The following MTARC1 variants were observed in gnomAD, a reference collection of about 807,000 sequenced individuals.
MTARC1 encodes mitochondrial amidoxime reducing component 1.
In MTARC1, 24 loss-of-function variants were observed where a neutral mutation model predicts 33.6. The ratio of observed to expected loss-of-function variants is 0.72; its 90% CI spans 0.52 to 1.01. The LOEUF (loss-of-function observed/expected upper bound fraction) is 1.01, where lower values mean the gene tolerates loss of function less well. Among genes scored for constraint, MTARC1 ranks in the 50% least tolerant of loss-of-function variants. The pLI, the probability that MTARC1 is intolerant of heterozygous loss-of-function variation, is 0.00. For missense variants in MTARC1, 417 were observed against 445.7 expected, an observed-to-expected ratio of 0.94 and a Z score of 0.58; for synonymous variants, 187 against 189.5, an observed-to-expected ratio of 0.99 and a Z score of 0.11.
At chr1:220,810,277 G>C (rs914334712) in intron 6 of MTARC1, among the ~76,000 whole-genome samples, 4 of 152,244 alleles carry the variant, frequency 2.6e-5, no homozygotes, top group Admixed American at 2.0e-4. Flanking sequence ...GTGTGCGCAC[G>C]AATTCATAGA....
chr1:220,789,843 T>C (rs1232736604), intron 1 of MTARC1, among the ~76,000 whole-genome samples: 1 of 152,224 alleles, frequency 6.6e-6, no homozygotes, highest in Non-Finnish European at 1.5e-5. Context: ...ATTCCAATTA[T>C]ATGAAATGTC....
At chr1:220,808,740 AAGAAATACAG>A (rs1277825114) in intron 6 of MTARC1, 1 of 447,034 alleles carries the variant, frequency 2.2e-6, no homozygotes, top group Non-Finnish European at 4.6e-6. Flanking sequence ...GTGGGAGGAA[AAGAAATACAG>A]AGGCATAGGG....
At chr1:220,803,657 C>A (rs1183834366) in intron 4 of MTARC1, among the ~76,000 whole-genome samples, 1 of 151,942 alleles carries the variant, frequency 6.6e-6, no homozygotes, top group Non-Finnish European at 1.5e-5. Context: ...GGAAGACTTT[C>A]CTGGGCTCAT....
Position 220,796,583 on chromosome 1 carries a change from A to G in MTARC1, c.450-60A>G, listed in dbSNP as rs971026384. On this transcript the variant is annotated intron_variant, in intron 2 of 6. Coordinates refer to ENST00000366910, the MANE Select transcript of MTARC1 (RefSeq NM_022746.4). ...GCAGCTTTTCTGATATAGCTGGCAC[A>G]TATTAGGGTGCATGGATTTTCAAAG... The G allele has an allele frequency of 4.0e-6, 6 of 1,499,792 alleles. No individual in the cohort carries two copies. In the Admixed American group the frequency reaches 1.5e-4, roughly 38 times the overall value. The allele number at this position is 1,499,792 out of a possible 1,614,324, so 92.9% of individuals were successfully genotyped here.
rs755174126 is a variant in MTARC1 at position 220,787,128 on chromosome 1, TG to T, written c.186del (p.Trp62Ter). ...LQQVGTVAQL[W>X]IYPVKSCKGV... ...GCAGGTGGGCACAGTGGCGCAGCTC[TG>T]GATCTACCCTGTGAAATCCTGCAAG... On this transcript the variant is annotated frameshift_variant, in exon 1 of 7. Transcript: ENST00000366910. LOFTEE classifies it high-confidence loss of function. 4.5e-6 allele frequency: 7 copies of T among 1,559,458 alleles called. No homozygotes were observed. In the Admixed American group the frequency reaches 5.7e-5, roughly 13 times the overall value.
intron 2 of MTARC1, chr1:220,793,206 G>GGAAATA: frequency 6.6e-6 from 1 of 152,128 alleles, no homozygotes; most frequent in East Asian, 1.9e-4. Flanking sequence ...CCTGAATGAG[G>GGAAATA]TAAGCTTTTA....
chr1:220,796,694 G>A lies in MTARC1; in HGVS notation c.501G>A (p.Gln167=). 1 of 1,612,866 alleles carries A rather than the reference G, an allele frequency of 6.2e-7. No individual in the cohort carries two copies. Among genetic ancestry groups the A allele is most frequent in the Non-Finnish European group, 8.5e-7 (1 of 1,179,560 alleles). The stretch of plus-strand genomic sequence containing the variant: ...GGGACTGTGGCGAGGCCACCGCCCA[G>A]TGGATAACCAGCTTCCTGAAGTCAC... ...EGRDCGEATA[Q]WITSFLKSQP... is the part of the protein sequence containing the mutation. The change falls in exon 3 of 7, where the codon CAG becomes CAA. Residue 167 remains glutamine, a synonymous_variant. Transcript: ENST00000366910.
chr1:220,813,750 T>TCTG lies in MTARC1; in HGVS notation c.*333_*334insTGC, dbSNP rs1673211256. 1.3e-5 allele frequency: 3 copies of TCTG among 233,560 alleles called. No individual in the cohort carries two copies. The highest frequency in any genetic ancestry group is 2.2e-5 in the African/African-American group (1 of 44,910). The allele number at this position is 233,560 out of a possible 1,614,324, so 14.5% of individuals were successfully genotyped here. A position where few individuals can be genotyped will look rare whatever the true frequency, so the allele number is the denominator to read the frequency against. On this transcript the variant is annotated 3_prime_UTR_variant, in exon 7 of 7. Transcript: ENST00000366910. ...ACCAAGAGCGCAGACTTGCATCCTG[T>TCTG]CACTACCACTCGTTAGAGAAAGAGA... is the stretch of plus-strand genomic sequence containing the variant.
intron 6 of MTARC1, among the ~76,000 whole-genome samples, chr1:220,807,851 G>A (rs879358568): frequency 6.6e-6 from 1 of 152,048 alleles, no homozygotes; most frequent in Non-Finnish European, 1.5e-5. Flanking sequence ...TGGCCACAGA[G>A]GAGCTACTAG....
At position 220,805,137 on chromosome 1, in the gene MTARC1, G is replaced by C. The variant is rs764537118; in HGVS notation, c.815+24G>C. On this transcript the variant is annotated intron_variant, in intron 5 of 6. Coordinates refer to ENST00000366910, the MANE Select transcript of MTARC1 (RefSeq NM_022746.4). Reference sequence around the variant, plus strand: ...AGGTAAGGTGCTTTCCTGTCCCTGTGGGGTGGAGGTGGGGATAAGTTCGCT... The same window carrying C: ...AGGTAAGGTGCTTTCCTGTCCCTGTCGGGTGGAGGTGGGGATAAGTTCGCT... 3 of 1,613,972 alleles carry C rather than the reference G, an allele frequency of 1.9e-6. No homozygotes were observed. The Admixed American group carries it at 5.0e-5, about 27-fold the overall frequency.
chr1:220,813,260 C>G (rs1673194080), intron 6 of MTARC1, 32 bp from the exon 7 acceptor site: 1 of 1,613,722 alleles, frequency 6.2e-7, no homozygotes, highest in East Asian at 2.2e-5. Flanking sequence ...ATCCGCTTGG[C>G]TGTGACTCAT....
At chr1:220,792,390 T>C (rs1571663613) in intron 2 of MTARC1, among the ~76,000 whole-genome samples, 1 of 152,248 alleles carries the variant, frequency 6.6e-6, no homozygotes, top group Non-Finnish European at 1.5e-5. Context: ...GGTCCAGTTA[T>C]ATTCTTGTTA....
intron 1 of MTARC1, 110 bp downstream of exon 1, chr1:220,787,329 TA>T (rs1672267388): frequency 7.4e-7 from 1 of 1,343,894 alleles, no homozygotes; most frequent in Non-Finnish European, 9.5e-7. Flanking sequence ...TCCTTCCTCC[TA>T]TTACAAAGAA....
intron 1 of MTARC1, among the ~76,000 whole-genome samples, chr1:220,787,877 G>A (rs558409303): frequency 9.9e-5 from 15 of 152,166 alleles, no homozygotes; most frequent in African/African-American, 3.4e-4. Context: ...GCGTAGTGGC[G>A]CGCACCTGTA....
In MTARC1 at chr1:220,791,490, G is replaced by A; in HGVS notation, c.276-1G>A. 3 of 1,613,824 alleles carry A rather than the reference G, an allele frequency of 1.9e-6. No individual in the cohort carries two copies. The highest frequency in any genetic ancestry group is 2.5e-6 in the Non-Finnish European group (3 of 1,179,854). On this transcript the variant is annotated splice_acceptor_variant, in intron 1 of 6. Coordinates refer to ENST00000366910, the MANE Select transcript of MTARC1 (RefSeq NM_022746.4). LOFTEE classifies it high-confidence loss of function. ...CATATCCTGTGTTTTGAAAACGGCAGGTTTTGGCTTGTGATCAACCAGGAG... is the reference window on the plus strand; with the variant it reads ...CATATCCTGTGTTTTGAAAACGGCAAGTTTTGGCTTGTGATCAACCAGGAG...
chr1:220,786,958 G>T lies in MTARC1; in HGVS notation c.14G>T (p.Gly5Val). The T allele has an allele frequency of 8.0e-7, 1 of 1,242,286 alleles. No individual in the cohort carries two copies. The allele number at this position is 1,242,286 out of a possible 1,614,324, so 77.0% of individuals were successfully genotyped here. MGAA[G>V]SSALARFVLL... ...GAGAAGCCAGCCATGGGCGCCGCCGGCTCCTCCGCGCTGGCGCGCTTTGTC... is the reference window on the plus strand; with the variant it reads ...GAGAAGCCAGCCATGGGCGCCGCCGTCTCCTCCGCGCTGGCGCGCTTTGTC... The change falls in exon 1 of 7, where the codon GGC becomes GTC. Residue 5 changes from glycine to valine, a missense_variant. Gly to Val is a moderately radical substitution (Grantham distance 109, BLOSUM62 -3). Coordinates refer to ENST00000366910, the MANE Select transcript of MTARC1 (RefSeq NM_022746.4).
At chr1:220,798,514 G>C (rs1236997446) in intron 4 of MTARC1, 5 of 985,358 alleles carry the variant, frequency 5.1e-6, no homozygotes, top group African/African-American at 1.7e-5. Flanking sequence ...TCTGCCCTCA[G>C]ATGTTTGCGT....
chr1:220,789,869 T>C (rs1351216653), intron 1 of MTARC1, among the ~76,000 whole-genome samples: 1 of 152,160 alleles, frequency 6.6e-6, no homozygotes, highest in Admixed American at 6.5e-5. Flanking sequence ...GATAAATTTA[T>C]AGAGACAAAG....
Position 220,815,204 on chromosome 1 carries a change from G to A in MTARC1, c.*1786G>A, listed in dbSNP as rs910901738. ...CATTACTAATGGGACCGGGGGACCC[G>A]TGGGAGAGTGAGTGTACACAGGATT... On this transcript the variant is annotated 3_prime_UTR_variant, in exon 7 of 7. Transcript: ENST00000366910. The A allele has an allele frequency of 1.3e-5, 2 of 152,272 alleles. No individual in the cohort carries two copies. Among genetic ancestry groups the A allele is most frequent in the African/African-American group, 4.8e-5 (2 of 41,474 alleles). 9.4% of individuals were successfully genotyped at this position (152,272 alleles called of 1,614,324 possible). A position where few individuals can be genotyped will look rare whatever the true frequency, so the allele number is the denominator to read the frequency against.
Sources: gnomAD v4.1 joint callset for allele counts (sites outside exome capture counted in the v4.1 genomes callset) on GRCh38, gnomAD v4.1.1 for gene constraint, MANE v1.5 for transcripts, NCBI Gene and HGNC (gene_info 2026-07-23, HGNC 2026-07-21) for gene names.